SLC35F3: variants seen among roughly 807,000 people sequenced by gnomAD.
The protein encoded by SLC35F3 is putative thiamine transporter SLC35F3.
A neutral mutation model predicts 49.9 loss-of-function variants in SLC35F3; 25 were observed. The ratio of observed to expected loss-of-function variants is 0.50; its 90% CI spans 0.37 to 0.70. The LOEUF (loss-of-function observed/expected upper bound fraction) is 0.70, where lower values mean the gene tolerates loss of function less well. SLC35F3 is among the 30% of genes least tolerant of loss of function. The probability of loss-of-function intolerance (pLI) is 0.00; values close to 1 mark genes in which losing one functional copy is unlikely to be tolerated. For missense variants in SLC35F3, 525 were observed against 639.8 expected (o/e 0.82, Z 1.94); for synonymous variants, 275 against 265.4 (o/e 1.04, Z -0.35).
intron 2 of SLC35F3, among the ~76,000 whole-genome samples, chr1:234,172,624 A>G (rs1348998497): frequency 6.6e-6 from 1 of 152,238 alleles, no homozygotes; most frequent in Non-Finnish European, 1.5e-5. Flanking sequence ...CAAACATCAT[A>G]GCGAGCACTC....
intron 2 of SLC35F3, among the ~76,000 whole-genome samples, chr1:233,969,768 A>T (rs1000246834): frequency 2.0e-5 from 3 of 152,198 alleles, no homozygotes; most frequent in Non-Finnish European, 2.9e-5. Flanking sequence ...TTCCATAACT[A>T]TGCAAGCCAA....
At chr1:234,182,035 G>A (rs982592432) in intron 2 of SLC35F3, among the ~76,000 whole-genome samples, 5 of 152,228 alleles carry the variant, frequency 3.3e-5, no homozygotes, top group East Asian at 3.9e-4. Context: ...TTTCATATAC[G>A]AATGGCGAAA....
At chr1:233,922,642 T>C (rs1662084406) in intron 2 of SLC35F3, among the ~76,000 whole-genome samples, 1 of 152,158 alleles carries the variant, frequency 6.6e-6, no homozygotes, top group Admixed American at 6.5e-5. Flanking sequence ...GCAGCAACTC[T>C]TTAGTTTAAT....
At chr1:234,195,297 T>A (rs949598758) in intron 2 of SLC35F3, among the ~76,000 whole-genome samples, 1 of 152,200 alleles carries the variant, frequency 6.6e-6, no homozygotes, top group Non-Finnish European at 1.5e-5. Flanking sequence ...CACAGAACCA[T>A]CTGAGTACGG....
At chr1:234,058,235 C>T (rs1572035607) in intron 2 of SLC35F3, among the ~76,000 whole-genome samples, 1 of 148,600 alleles carries the variant, frequency 6.7e-6, no homozygotes, top group Non-Finnish European at 1.5e-5. Context: ...TTCACAATAC[C>T]AATTTATGAA....
chr1:233,986,245 CT>C (rs760738663), intron 2 of SLC35F3, among the ~76,000 whole-genome samples: 1 of 151,972 alleles, frequency 6.6e-6, no homozygotes, highest in Non-Finnish European at 1.5e-5. Flanking sequence ...ATACATGTAT[CT>C]TTCTTTTAAA....
chr1:234,217,049 G>A (rs1404759509), intron 2 of SLC35F3, among the ~76,000 whole-genome samples: 2 of 152,172 alleles, frequency 1.3e-5, no homozygotes, highest in African/African-American at 2.4e-5. Context: ...TTTTGGAAGT[G>A]TTGAATCATT....
At chr1:233,944,325 T>C (rs890776872) in intron 2 of SLC35F3, among the ~76,000 whole-genome samples, 2 of 152,206 alleles carry the variant, frequency 1.3e-5, no homozygotes, top group African/African-American at 4.8e-5. Flanking sequence ...GAACACTTGC[T>C]TCATTTATTT....
chr1:234,127,934 A>G (rs763624673), intron 2 of SLC35F3, among the ~76,000 whole-genome samples: 3 of 152,168 alleles, frequency 2.0e-5, no homozygotes, highest in Non-Finnish European at 2.9e-5. Context: ...GTGATCTCCA[A>G]TGTGTATTGA....
intron 2 of SLC35F3, among the ~76,000 whole-genome samples, chr1:234,096,583 A>G (rs903315863): frequency 1.3e-5 from 2 of 152,200 alleles, no homozygotes; most frequent in Admixed American, 1.3e-4. Flanking sequence ...AGGAACTACA[A>G]ATTGTTCTGC....
intron 2 of SLC35F3, among the ~76,000 whole-genome samples, chr1:234,113,735 C>T (rs1665442356): frequency 6.6e-6 from 1 of 152,114 alleles, no homozygotes; most frequent in East Asian, 1.9e-4. Context: ...TGATGGCATG[C>T]GTCTGTAATC....
chr1:234,071,784 T>C (rs1172284029), intron 2 of SLC35F3, among the ~76,000 whole-genome samples: 2 of 152,228 alleles, frequency 1.3e-5, no homozygotes, highest in East Asian at 1.9e-4. Flanking sequence ...GTACCTCCTA[T>C]TGGCATGCCT....
chr1:234,049,899 G>T lies in SLC35F3; in HGVS notation c.283+144141G>T, dbSNP rs187224096. Reference sequence around the variant, plus strand: ...AAGAACATAAGGTGTTTGGTTTTCTGTCCTTGCGATAGGTTGCTGAGAATG... The same window carrying T: ...AAGAACATAAGGTGTTTGGTTTTCTTTCCTTGCGATAGGTTGCTGAGAATG... On this transcript the variant is annotated intron_variant, in intron 2 of 7. Transcript: ENST00000366618. 4.5e-4 allele frequency among the ~76,000 whole-genome samples: 69 copies of T among 152,172 alleles called. 1 individual carries two copies. Among genetic ancestry groups the T allele is most frequent in the African/African-American group, 1.6e-3 (67 of 41,490 alleles).
intron 2 of SLC35F3, among the ~76,000 whole-genome samples, chr1:233,956,706 G>T (rs573057870): frequency 6.6e-6 from 1 of 152,294 alleles, no homozygotes; most frequent in East Asian, 1.9e-4. Flanking sequence ...GCAACTGGGC[G>T]TGAGACATTT....
At chr1:233,997,059 A>G (rs903563404) in intron 2 of SLC35F3, among the ~76,000 whole-genome samples, 1 of 152,172 alleles carries the variant, frequency 6.6e-6, no homozygotes, top group African/African-American at 2.4e-5. Flanking sequence ...CTTCAGGTTC[A>G]TCTATCTTGT....
At chr1:233,982,450 G>A (rs1263107129) in intron 2 of SLC35F3, among the ~76,000 whole-genome samples, 1 of 152,020 alleles carries the variant, frequency 6.6e-6, no homozygotes, top group East Asian at 1.9e-4. Context: ...CCTTGGCTCA[G>A]TGCAACCTCT....
intron 2 of SLC35F3, among the ~76,000 whole-genome samples, chr1:234,139,951 TAATAA>T (rs1553308858): frequency 0.022 from 2,035 of 90,554 alleles, 96 homozygotes; most frequent in South Asian, 0.048. Flanking sequence ...CATCTCAAAA[TAATAA>T]AATAAAATAA....
At chr1:233,916,928 T>A (rs1292850795) in intron 2 of SLC35F3, among the ~76,000 whole-genome samples, 1 of 149,716 alleles carries the variant, frequency 6.7e-6, no homozygotes, top group Admixed American at 6.7e-5. Flanking sequence ...AACTGTTGAA[T>A]GTAAATTCAT....
At chr1:234,148,961 TG>T (rs1171718613) in intron 2 of SLC35F3, among the ~76,000 whole-genome samples, 2 of 152,038 alleles carry the variant, frequency 1.3e-5, no homozygotes, top group Non-Finnish European at 2.9e-5. Context: ...GGGCAGGGGA[TG>T]GAATGGGAGC....
Sources: gnomAD v4.1 joint callset for allele counts (sites outside exome capture counted in the v4.1 genomes callset) on GRCh38, gnomAD v4.1.1 for gene constraint, MANE v1.5 for transcripts, NCBI Gene and HGNC (gene_info 2026-07-23, HGNC 2026-07-21) for gene names.